Variants in FER observed in about 807,000 individuals in gnomAD.
FER encodes the protein tyrosine-protein kinase Fer.
A neutral mutation model predicts 111.0 loss-of-function variants in FER; 63 were observed. The ratio of observed to expected loss-of-function variants is 0.57; its 90% confidence interval spans 0.46 to 0.70. FER has a LOEUF of 0.70. FER is among the 30% of genes least tolerant of loss of function. FER has a pLI of 0.00. For synonymous variants in FER, 327 were observed against 313.9 expected (o/e 1.04, Z -0.44); for missense variants, 914 against 954.0 (o/e 0.96, Z 0.55).
chr5:109,077,427 T>C (rs1428424943), intron 16 of FER, among the ~76,000 whole-genome samples: 2 of 152,178 alleles, frequency 1.3e-5, no homozygotes, highest in Non-Finnish European at 2.9e-5. Flanking sequence ...ATATCAATAA[T>C]TTCTACATTC....
chr5:108,884,042 T>G (rs1053449758), intron 9 of FER, among the ~76,000 whole-genome samples: 3 of 152,044 alleles, frequency 2.0e-5, no homozygotes, highest in African/African-American at 4.8e-5. Context: ...GGTATACTCT[T>G]CTTTTACTGA....
intron 14 of FER, among the ~76,000 whole-genome samples, chr5:109,042,767 G>A (rs1771362263): frequency 6.6e-6 from 1 of 152,158 alleles, no homozygotes. Flanking sequence ...GCTTCTGATT[G>A]GAGGTGGGCG....
chr5:109,139,350 C>CTTTTTTTTTTTTTTTTTTTTTTT (rs59092426), intron 17 of FER, among the ~76,000 whole-genome samples: 2 of 91,114 alleles, frequency 2.2e-5, no homozygotes, highest in African/African-American at 8.8e-5. Flanking sequence ...TTCTTTCTTT[C>CTTTTTTTTTTTTTTTTTTTTTTT]TTTTTTTTTT....
At chr5:109,060,737 T>TTG (rs906863220) in intron 16 of FER, among the ~76,000 whole-genome samples, 4 of 148,748 alleles carry the variant, frequency 2.7e-5, no homozygotes, top group African/African-American at 1.0e-4. Context: ...TGTACTGTGA[T>TTG]TGTGTGTGTG....
chr5:108,822,145 A>T (rs1262089379), intron 3 of FER, among the ~76,000 whole-genome samples: 1 of 152,168 alleles, frequency 6.6e-6, no homozygotes, highest in Non-Finnish European at 1.5e-5. Flanking sequence ...AATGCCCTCT[A>T]GATTAATCCC....
intron 10 of FER, among the ~76,000 whole-genome samples, chr5:108,921,782 A>T (rs964721452): frequency 6.6e-6 from 1 of 152,212 alleles, no homozygotes; most frequent in Admixed American, 6.5e-5. Context: ...CAGGTTTAAA[A>T]TCAGAAATCA....
chr5:108,973,831 T>G lies in FER; in HGVS notation c.1656+14484T>G, dbSNP rs554655035. ...GCTGTATTCTCTTTTAAATAATAAA[T>G]CTATATCCTTTTTTGACTCTAGAAT... On this transcript the variant is annotated intron_variant, in intron 13 of 19. Transcript: ENST00000281092. Among the ~76,000 whole-genome samples, 11 of 152,276 alleles carry G rather than the reference T, an allele frequency of 7.2e-5. No individual in the cohort carries two copies. In the South Asian group the frequency reaches 2.3e-3, roughly 32 times the overall value.
intron 16 of FER, among the ~76,000 whole-genome samples, chr5:109,069,413 G>A (rs1260400943): frequency 2.6e-5 from 4 of 152,138 alleles, no homozygotes; most frequent in East Asian, 1.9e-4. Flanking sequence ...TCTTTAGAGA[G>A]TTTAAAAACT....
At chr5:108,980,967 T>C (rs1471636862) in intron 13 of FER, among the ~76,000 whole-genome samples, 1 of 152,130 alleles carries the variant, frequency 6.6e-6, no homozygotes, top group Non-Finnish European at 1.5e-5. Context: ...GTAGGGTTTT[T>C]TAGAGAAGAA....
chr5:108,852,248 T>C (rs1352105715), intron 5 of FER, among the ~76,000 whole-genome samples: 1 of 152,200 alleles, frequency 6.6e-6, no homozygotes, highest in Non-Finnish European at 1.5e-5. Flanking sequence ...GCATTATGAA[T>C]AGTTTGTGAT....
intron 17 of FER, among the ~76,000 whole-genome samples, chr5:109,106,254 T>G (rs753485875): frequency 6.6e-6 from 1 of 152,208 alleles, no homozygotes; most frequent in South Asian, 2.1e-4. Context: ...GAAACATAAT[T>G]TTAGAAAGAC....
chr5:109,121,093 T>C (rs57960033), intron 17 of FER, among the ~76,000 whole-genome samples: 23,925 of 152,046 alleles, frequency 0.16, 2,027 homozygotes, highest in Non-Finnish European at 0.2. Context: ...TATTTCTTTC[T>C]CTTGTCTGAT....
intron 16 of FER, among the ~76,000 whole-genome samples, chr5:109,079,336 G>A (rs1321045981): frequency 6.6e-6 from 1 of 152,086 alleles, no homozygotes; most frequent in East Asian, 1.9e-4. Flanking sequence ...TTTATTGGGA[G>A]GGGTGGGGAA....
chr5:109,004,585 T>C (rs1162222367), intron 13 of FER, among the ~76,000 whole-genome samples: 1 of 152,216 alleles, frequency 6.6e-6, no homozygotes, highest in African/African-American at 2.4e-5. Flanking sequence ...CAAAATATCC[T>C]TCTAATTGAA....
At chr5:109,006,412 GC>G (rs763698834) in intron 13 of FER, among the ~76,000 whole-genome samples, 2 of 152,110 alleles carry the variant, frequency 1.3e-5, no homozygotes, top group African/African-American at 2.4e-5. Context: ...GTGTTCTCTT[GC>G]CTACCGCCAT....
At chr5:108,837,379 C>T (rs1439470065) in intron 5 of FER, among the ~76,000 whole-genome samples, 1 of 152,188 alleles carries the variant, frequency 6.6e-6, no homozygotes, top group African/African-American at 2.4e-5. Context: ...CACAAGGTAT[C>T]CCTTGCTAAA....
intron 17 of FER, among the ~76,000 whole-genome samples, chr5:109,166,733 T>A (rs1756595389): frequency 6.6e-6 from 1 of 152,186 alleles, no homozygotes; most frequent in South Asian, 2.1e-4. Context: ...GTAGCCTTAC[T>A]AGGGCTGGAG....
At chr5:108,918,417 C>G (rs1327864007) in intron 10 of FER, among the ~76,000 whole-genome samples, 3 of 151,920 alleles carry the variant, frequency 2.0e-5, no homozygotes, top group African/African-American at 7.3e-5. Flanking sequence ...ATGCAGCTGT[C>G]TCTAAATTGA....
At chr5:109,012,885 A>C (rs978137358) in intron 13 of FER, among the ~76,000 whole-genome samples, 1 of 152,180 alleles carries the variant, frequency 6.6e-6, no homozygotes, top group South Asian at 2.1e-4. Context: ...CCAAAGTCAT[A>C]CTTGATAGAC....
Sources: allele counts gnomAD v4.1 joint callset (sites outside exome capture counted in the v4.1 genomes callset), GRCh38; gene constraint gnomAD v4.1.1; transcripts MANE v1.5; gene names NCBI Gene and HGNC (gene_info 2026-07-23, HGNC 2026-07-21).